PRKAR1B: variants seen among roughly 807,000 people sequenced by gnomAD.
PRKAR1B encodes the protein protein kinase cAMP-dependent type I regulatory subunit beta, also known as cAMP-dependent protein kinase type I-beta regulatory subunit.
In PRKAR1B, 22 loss-of-function variants were observed where a neutral mutation model predicts 46.5. That is an observed-to-expected ratio of 0.47 (90% CI 0.34 to 0.68). PRKAR1B has a LOEUF of 0.68. PRKAR1B is among the 30% of genes least tolerant of loss of function. The probability of loss-of-function intolerance (pLI) is 0.01; values close to 1 mark genes in which losing one functional copy is unlikely to be tolerated. For synonymous variants in PRKAR1B, 259 were observed against 217.7 expected, an observed-to-expected ratio of 1.19 and a Z score of -1.67; for missense variants, 445 against 535.6, an observed-to-expected ratio of 0.83 and a Z score of 1.67.
At chr7:573,349 C>A (rs1455047463) in intron 9 of PRKAR1B, among the ~76,000 whole-genome samples, 1 of 152,146 alleles carries the variant, frequency 6.6e-6, no homozygotes, top group Non-Finnish European at 1.5e-5. Flanking sequence ...CCGACCCCCA[C>A]ACACTCTGTC....
intron 7 of PRKAR1B, among the ~76,000 whole-genome samples, chr7:595,690 G>A (rs547276883): frequency 6.6e-6 from 1 of 152,194 alleles, no homozygotes; most frequent in Non-Finnish European, 1.5e-5. Context: ...TACAGGGTAC[G>A]TGGCTCAGAG....
chr7:692,197 C>T (rs1015654915), intron 2 of PRKAR1B, among the ~76,000 whole-genome samples: 1 of 152,178 alleles, frequency 6.6e-6, no homozygotes, highest in Admixed American at 6.5e-5. Context: ...GTCAGGAGTT[C>T]GAGACCAGCC....
intron 4 of PRKAR1B, among the ~76,000 whole-genome samples, chr7:623,660 A>G (rs1466558065): frequency 6.6e-6 from 1 of 152,180 alleles, no homozygotes; most frequent in East Asian, 1.9e-4. Flanking sequence ...ACTTAGGTGG[A>G]AATTCTCACG....
chr7:724,931 T>C (rs1781197100), intron 1 of PRKAR1B, among the ~76,000 whole-genome samples: 2 of 152,208 alleles, frequency 1.3e-5, no homozygotes, highest in South Asian at 2.1e-4. Flanking sequence ...GAAGTACTGA[T>C]GGGCCGGGCG....
chr7:672,340 T>C (rs1786304523), intron 4 of PRKAR1B, among the ~76,000 whole-genome samples: 1 of 151,694 alleles, frequency 6.6e-6, no homozygotes, highest in Non-Finnish European at 1.5e-5. Flanking sequence ...TTAGTAGAGA[T>C]GGGGATTCAC....
rs9718524 is a variant in PRKAR1B, at chr7:663,799, C to T, written c.440+13430G>A. On this transcript the variant is annotated intron_variant, in intron 4 of 10. Transcript: ENST00000537384. ...ACAGCGAGACAGCACACTCACAGCT[C>T]TCAGCCACACACCTGACCCCAAGCA... 1.4e-3 allele frequency among the ~76,000 whole-genome samples: 211 copies of T among 152,250 alleles called. 2 individuals carry two copies. The highest frequency in any genetic ancestry group is 2.5e-3 in the Non-Finnish European group (173 of 68,042).
chr7:659,498 G>A (rs1259370237), intron 4 of PRKAR1B, among the ~76,000 whole-genome samples: 1 of 152,166 alleles, frequency 6.6e-6, no homozygotes, highest in African/African-American at 2.4e-5. Context: ...TCCCGAGCCG[G>A]AATATTCTGC....
chr7:697,686 G>T, intron 2 of PRKAR1B, among the ~76,000 whole-genome samples: 1 of 151,864 alleles, frequency 6.6e-6, no homozygotes, highest in Admixed American at 6.6e-5. Context: ...AGCCCACCTA[G>T]CAGCGGCAAA....
At position 596,409 on chromosome 7, in the gene PRKAR1B, G is replaced by C. The variant is rs781661721; in HGVS notation, c.550-105C>G. On this transcript the variant is annotated intron_variant, in intron 6 of 10. Transcript: ENST00000537384. The stretch of plus-strand genomic sequence containing the variant: ...TAGCTCTCTCCAGAAGAGGGTCCCC[G>C]CAGGGCGGGGCACAAGCCCTTTCGC... 4 of 1,351,112 alleles carry C rather than the reference G, an allele frequency of 3.0e-6. No individual in the cohort carries two copies. The African/African-American group carries it at 5.8e-5, about 20-fold the overall frequency. 83.7% of individuals were successfully genotyped at this position (1,351,112 alleles called of 1,614,324 possible).
chr7:592,501 C>A (rs1382046565), intron 7 of PRKAR1B, among the ~76,000 whole-genome samples: 1 of 151,702 alleles, frequency 6.6e-6, no homozygotes, highest in Non-Finnish European at 1.5e-5. Context: ...TCACTCCGGA[C>A]ACTGGTCCCC....
chr7:576,783 C>T (rs142574792), intron 9 of PRKAR1B, among the ~76,000 whole-genome samples: 20 of 152,036 alleles, frequency 1.3e-4, no homozygotes, highest in South Asian at 4.2e-4. Flanking sequence ...TGGGAAGCAC[C>T]GGGAATGAGG....
chr7:607,852 G>T (rs112576659), intron 4 of PRKAR1B: 12,181 of 204,264 alleles, frequency 0.06, 1,094 homozygotes, highest in African/African-American at 0.22. Context: ...TTTCTGCATT[G>T]TTTTCCTTTC....
intron 2 of PRKAR1B, among the ~76,000 whole-genome samples, chr7:702,460 T>G (rs1416145454): frequency 2.0e-5 from 3 of 152,158 alleles, no homozygotes; most frequent in Non-Finnish European, 4.4e-5. Flanking sequence ...CTTGCCAAAT[T>G]TCTTGAAGGA....
Position 644,621 on chromosome 7 carries a change from C to T in PRKAR1B, c.440+32608G>A, listed in dbSNP as rs1283607622. ...CAACTGGAAGGAAGCAATGCAGGGC[C>T]GTTCTCAGCCTCAGCAGCTGAGCGT... On this transcript the variant is annotated intron_variant, in intron 4 of 10. Coordinates refer to ENST00000537384, the MANE Select transcript of PRKAR1B (RefSeq NM_001164760.2). This position sits in a 1 kb window ranked among gnomAD's most constrained non-coding sequence, Gnocchi z 4.9. Among the ~76,000 whole-genome samples the T allele has an allele frequency of 6.6e-6, 1 of 152,200 alleles. No homozygotes were observed. The highest frequency in any genetic ancestry group is 2.4e-5 in the African/African-American group (1 of 41,456).
chr7:645,013 G>T (rs1330486542), intron 4 of PRKAR1B, among the ~76,000 whole-genome samples: 1 of 152,188 alleles, frequency 6.6e-6, no homozygotes, highest in Non-Finnish European at 1.5e-5. Context: ...CAGTGTGGAC[G>T]AGTGAGGGCA....
Position 564,042 on chromosome 7 carries a change from G to A in PRKAR1B, c.892-12572C>T, listed in dbSNP as rs1046538822. Among the ~76,000 whole-genome samples the A allele has an allele frequency of 4.6e-5, 7 of 151,952 alleles. No individual in the cohort carries two copies. The East Asian group carries it at 9.7e-4, about 21-fold the overall frequency. On this transcript the variant is annotated intron_variant, in intron 9 of 10. Transcript: ENST00000537384. Reference sequence around the variant, plus strand: ...ACAATTCAGCAGCCCCCCTCTGCCCGCTCCCCACTTCCCGTTCTGATCCTG... The same window carrying A: ...ACAATTCAGCAGCCCCCCTCTGCCCACTCCCCACTTCCCGTTCTGATCCTG...
At chr7:687,129 T>C (rs527945164) in intron 2 of PRKAR1B, among the ~76,000 whole-genome samples, 2 of 152,280 alleles carry the variant, frequency 1.3e-5, no homozygotes, top group African/African-American at 2.4e-5. Context: ...AAAAGGAATA[T>C]ATCAGCCTCA....
chr7:625,753 T>A (rs1460086530), intron 4 of PRKAR1B, among the ~76,000 whole-genome samples: 4 of 152,200 alleles, frequency 2.6e-5, no homozygotes, highest in Non-Finnish European at 5.9e-5. Context: ...ATGCCTGTAA[T>A]CCCAGCATTT....
At chr7:721,169 A>G (rs1385368503) in intron 1 of PRKAR1B, among the ~76,000 whole-genome samples, 5 of 152,184 alleles carry the variant, frequency 3.3e-5, no homozygotes. Context: ...TCACTGTTAA[A>G]TACCTAGCTG....
Sources: allele counts gnomAD v4.1 joint callset (sites outside exome capture counted in the v4.1 genomes callset), GRCh38; gene constraint gnomAD v4.1.1; non-coding constraint Gnocchi (gnomAD v3.1); transcripts MANE v1.5; gene names NCBI Gene and HGNC (gene_info 2026-07-23, HGNC 2026-07-21).